PIEZO2: variants seen among roughly 807,000 people sequenced by gnomAD.
PIEZO2 encodes the protein piezo-type mechanosensitive ion channel component 2.
Under a neutral mutation model 337.3 loss-of-function variants are expected in PIEZO2, and 172 were observed. That is an observed-to-expected ratio of 0.51 (90% confidence interval 0.45 to 0.58). The LOEUF is 0.58. Ranked by LOEUF, PIEZO2 falls within the 20% of genes least tolerant of loss-of-function variation. The pLI is 0.00. For synonymous variants in PIEZO2, 1,251 were observed against 1,228.5 expected (o/e 1.02, Z -0.38); for missense variants, 3,028 against 3,391.3 (o/e 0.89, Z 2.66).
chr18:10,672,958 G>T lies in PIEZO2; in HGVS notation c.8162-85C>A. ...CAACAGTTTTCAGATGGCAAAATCT[G>T]GTTACTAACTATAGCATAAGGTTCT... On this transcript the variant is annotated intron_variant, in intron 54 of 55. Transcript: ENST00000674853. This position sits in a 1 kb window ranked among gnomAD's most constrained non-coding sequence, Gnocchi z 4.7. 9.1e-7 allele frequency: 1 copy of T among 1,101,212 alleles called. No homozygotes were observed. The highest frequency in any genetic ancestry group is 1.3e-6 in the Non-Finnish European group (1 of 754,890). The allele number at this position is 1,101,212 out of a possible 1,614,324, so 68.2% of individuals were successfully genotyped here.
In PIEZO2 at chr18:11,125,143, G is replaced by T. The variant is rs1006914936; in HGVS notation, c.64+23382C>A. ...ACAGAGCATTTGCAAATATTAAATG[G>T]GAGAAAGAACACACACACACACACA... On this transcript the variant is annotated intron_variant, in intron 1 of 55. Transcript: ENST00000674853. This position sits in a 1 kb window ranked among gnomAD's most constrained non-coding sequence, Gnocchi z 4.4. Among the ~76,000 whole-genome samples, 3 of 136,524 alleles carry T rather than the reference G, an allele frequency of 2.2e-5. No individual in the cohort carries two copies. Among genetic ancestry groups the T allele is most frequent in the Non-Finnish European group, 4.5e-5 (3 of 67,282 alleles). The allele number at this position is 136,524 out of a possible 152,430, so 89.6% of individuals were successfully genotyped here.
At chr18:10,996,537 C>T (rs2048261393) in intron 2 of PIEZO2, among the ~76,000 whole-genome samples, 1 of 152,214 alleles carries the variant, frequency 6.6e-6, no homozygotes, top group African/African-American at 2.4e-5. Flanking sequence ...AACTGTAAGT[C>T]AGCTTTCTGT....
chr18:10,757,839 C>T (rs2037945809), intron 27 of PIEZO2, 130 bp downstream of exon 27: 1 of 1,026,048 alleles, frequency 9.7e-7, no homozygotes, highest in South Asian at 1.8e-5. Flanking sequence ...CATTGTCCAG[C>T]ATTTATTAAC....
chr18:10,951,705 C>A (rs892891068), intron 3 of PIEZO2, among the ~76,000 whole-genome samples: 1 of 152,262 alleles, frequency 6.6e-6, no homozygotes, highest in East Asian at 1.9e-4. Flanking sequence ...CTTTTTATCT[C>A]ATATTTATCT....
Position 10,980,370 on chromosome 18 carries a change from A to G in PIEZO2, c.161-710T>C, listed in dbSNP as rs1274462066. Among the ~76,000 whole-genome samples the G allele has an allele frequency of 6.6e-6, 1 of 152,162 alleles. No homozygotes were observed. The highest frequency in any genetic ancestry group is 1.5e-5 in the Non-Finnish European group (1 of 68,012). On this transcript the variant is annotated intron_variant, in intron 2 of 55. Coordinates refer to ENST00000674853, the MANE Select transcript of PIEZO2 (RefSeq NM_001378183.1). This position sits in a 1 kb window ranked among gnomAD's most constrained non-coding sequence, Gnocchi z 4.8. ...TTTTTAAAAACATAAAAAAAAAGGAATGGAAGGAAACATCCTTAAAGGATT... is the reference window on the plus strand; with the variant it reads ...TTTTTAAAAACATAAAAAAAAAGGAGTGGAAGGAAACATCCTTAAAGGATT...
Position 10,942,032 on chromosome 18 carries a change from G to A in PIEZO2, c.287-30804C>T, listed in dbSNP as rs575284675. Among the ~76,000 whole-genome samples, 6 of 152,288 alleles carry A rather than the reference G, an allele frequency of 3.9e-5. No individual in the cohort carries two copies. The highest frequency in any genetic ancestry group is 3.3e-4 in the Admixed American group (5 of 15,300). ...TCTCTCTTCGCCTGCTGCCATCCAC[G>A]TAAGATGTGACTTGCTCCTCCTTGC... On this transcript the variant is annotated intron_variant, in intron 3 of 55. Transcript: ENST00000674853. The surrounding 1 kb of genome is among the most constrained non-coding windows in gnomAD (Gnocchi z 4.4).
At chr18:10,892,866 T>C (rs2042795903) in intron 4 of PIEZO2, among the ~76,000 whole-genome samples, 3 of 152,244 alleles carry the variant, frequency 2.0e-5, no homozygotes, top group Admixed American at 1.3e-4. Flanking sequence ...TCTGTAAATA[T>C]GTAGCTGTTG....
chr18:10,704,553 G>A lies in PIEZO2; in HGVS notation c.6099C>T (p.Ala2033=). ...LFYAMYNTLV[A]RSEMVCYFVI... ...CGAAGTAGCACACCATCTCCGAGCG[G>A]GCCACCAGGGTATTGTACATGGCAT... The change falls in exon 42 of 56, where the codon GCC becomes GCT. Residue 2033 remains alanine, a synonymous_variant. Coordinates refer to ENST00000674853, the MANE Select transcript of PIEZO2 (RefSeq NM_001378183.1). The A allele has an allele frequency of 6.5e-7, 1 of 1,537,128 alleles. No individual in the cohort carries two copies. Among genetic ancestry groups the A allele is most frequent in the East Asian group, 2.4e-5 (1 of 40,920 alleles).
intron 28 of PIEZO2, 137 bp downstream of exon 28, chr18:10,752,499 G>T: frequency 9.0e-7 from 1 of 1,113,872 alleles, no homozygotes; most frequent in Non-Finnish European, 1.2e-6. Flanking sequence ...AATGGTTTTT[G>T]AATTCTGAAT....
intron 4 of PIEZO2, among the ~76,000 whole-genome samples, chr18:10,880,007 T>C (rs2042370189): frequency 6.6e-6 from 1 of 152,224 alleles, no homozygotes. Context: ...AAACACCTAT[T>C]TCAGCGCAGG....
In PIEZO2 at chr18:10,899,127, A is replaced by G. The variant is rs1486621930; in HGVS notation, c.329+12059T>C. ...AAGGGAAGCATGGGCTCTATAGTTA[A>G]AAAGACCTAACTGCCTTCGTTCAGC... is the stretch of plus-strand genomic sequence containing the variant. On this transcript the variant is annotated intron_variant, in intron 4 of 55. Transcript: ENST00000674853. This position sits in a 1 kb window ranked among gnomAD's most constrained non-coding sequence, Gnocchi z 4.6. Among the ~76,000 whole-genome samples the G allele has an allele frequency of 6.6e-6, 1 of 152,194 alleles. No homozygotes were observed.
At chr18:10,827,152 A>G (rs1763235928) in intron 7 of PIEZO2, among the ~76,000 whole-genome samples, 1 of 152,246 alleles carries the variant, frequency 6.6e-6, no homozygotes, top group Non-Finnish European at 1.5e-5. Flanking sequence ...GGAAAAATAA[A>G]AACTGAATTA....
chr18:10,724,234 G>A lies in PIEZO2; in HGVS notation c.5030-5975C>T, dbSNP rs1298634936. On this transcript the variant is annotated intron_variant, in intron 36 of 55. Transcript: ENST00000674853. This position sits in a 1 kb window ranked among gnomAD's most constrained non-coding sequence, Gnocchi z 5.8. The stretch of plus-strand genomic sequence containing the variant: ...TTCCGCTGGACATGGTGGCTCATGC[G>A]TTTAATTCCAGCACTTTGGGAGGCT... Among the ~76,000 whole-genome samples, 3 of 152,114 alleles carry A rather than the reference G, an allele frequency of 2.0e-5. No individual in the cohort carries two copies. Among genetic ancestry groups the A allele is most frequent in the Non-Finnish European group, 4.4e-5 (3 of 68,026 alleles).
chr18:10,762,902 C>A lies in PIEZO2; in HGVS notation c.3123+20G>T. 1 of 1,533,582 alleles carries A rather than the reference C, an allele frequency of 6.5e-7. No homozygotes were observed. Among genetic ancestry groups the A allele is most frequent in the Non-Finnish European group, 8.7e-7 (1 of 1,144,632 alleles). The allele number at this position is 1,533,582 out of a possible 1,614,324, so 95.0% of individuals were successfully genotyped here. A position where few individuals can be genotyped will look rare whatever the true frequency, so the allele number is the denominator to read the frequency against. On this transcript the variant is annotated intron_variant, in intron 22 of 55. Transcript: ENST00000674853. The stretch of plus-strand genomic sequence containing the variant: ...TTGCTAAAGGGCAGTCAGGAATATT[C>A]CCCCATCACCGAGGCTCACCAAGGA...
At chr18:10,992,233 A>G (rs1001217031) in intron 2 of PIEZO2, among the ~76,000 whole-genome samples, 1 of 152,156 alleles carries the variant, frequency 6.6e-6, no homozygotes, top group African/African-American at 2.4e-5. Flanking sequence ...TCTTCAGTTT[A>G]CTTAGATCCC....
chr18:10,995,008 G>T (rs1305606170), intron 2 of PIEZO2, among the ~76,000 whole-genome samples: 4 of 137,816 alleles, frequency 2.9e-5, no homozygotes, highest in Non-Finnish European at 6.0e-5. Context: ...GGAGGCGGAG[G>T]TTGCAGATCT....
At chr18:10,886,498 A>ATATG (rs2042610317) in intron 4 of PIEZO2, among the ~76,000 whole-genome samples, 1 of 121,688 alleles carries the variant, frequency 8.2e-6, no homozygotes, top group Non-Finnish European at 1.6e-5. Context: ...ATATATATAT[A>ATATG]CGCATATACA....
At position 10,929,332 on chromosome 18, in the gene PIEZO2, A is replaced by G. The variant is rs1394681446; in HGVS notation, c.287-18104T>C. Among the ~76,000 whole-genome samples, 1 of 152,194 alleles carries G rather than the reference A, an allele frequency of 6.6e-6. No homozygotes were observed. Among genetic ancestry groups the G allele is most frequent in the Non-Finnish European group, 1.5e-5 (1 of 68,036 alleles). ...GCTGCTGCATGCATGGGTACCCCAC[A>G]TATGCTGTTGTGACTGAGGCAATTC... is the stretch of plus-strand genomic sequence containing the variant. On this transcript the variant is annotated intron_variant, in intron 3 of 55. Coordinates refer to ENST00000674853, the MANE Select transcript of PIEZO2 (RefSeq NM_001378183.1). The surrounding 1 kb of genome is among the most constrained non-coding windows in gnomAD (Gnocchi z 5.6).
Position 11,016,255 on chromosome 18 carries a change from G to T in PIEZO2, c.161-36595C>A, listed in dbSNP as rs1342502377. On this transcript the variant is annotated intron_variant, in intron 2 of 55. Transcript: ENST00000674853. The surrounding 1 kb of genome is among the most constrained non-coding windows in gnomAD (Gnocchi z 5.6). ...GAAAGAAACAGGCCAAGAGTGGCCA[G>T]AGTATGTAAGAGAATGGGATGACTG... Among the ~76,000 whole-genome samples the T allele has an allele frequency of 6.6e-6, 1 of 152,246 alleles. No homozygotes were observed. Among genetic ancestry groups the T allele is most frequent in the Admixed American group, 6.5e-5 (1 of 15,288 alleles).
Sources: gnomAD v4.1 joint callset for allele counts (sites outside exome capture counted in the v4.1 genomes callset) on GRCh38, gnomAD v4.1.1 for gene constraint, Gnocchi (gnomAD v3.1) non-coding constraint, MANE v1.5 for transcripts, NCBI Gene and HGNC (gene_info 2026-07-23, HGNC 2026-07-21) for gene names.